The following EYS variants were observed in gnomAD, a reference collection of about 807,000 sequenced individuals.
EYS encodes the protein protein eyes shut homolog.
EYS carries 250 observed loss-of-function variants against 282.1 expected under a neutral mutation model. That is an observed-to-expected ratio of 0.89 (90% confidence interval 0.80 to 0.98). The LOEUF is 0.98. Among genes scored for constraint, EYS ranks in the 50% least tolerant of loss-of-function variants. The probability of loss-of-function intolerance (pLI) is 0.00; values close to 1 mark genes in which losing one functional copy is unlikely to be tolerated. For missense variants in EYS, 4,016 were observed against 3,709.0 expected (o/e 1.08, Z -2.15); for synonymous variants, 1,355 against 1,282.9 (o/e 1.06, Z -1.20).
intron 29 of EYS, among the ~76,000 whole-genome samples, chr6:64,371,984 T>C (rs1190299910): frequency 6.6e-6 from 1 of 152,180 alleles, no homozygotes; most frequent in Non-Finnish European, 1.5e-5. Context: ...ACTCTGTGCC[T>C]TTTAATTGAA....
At chr6:64,634,226 C>T (rs1257742647) in intron 22 of EYS, among the ~76,000 whole-genome samples, 8 of 152,184 alleles carry the variant, frequency 5.3e-5, no homozygotes, top group Admixed American at 5.2e-4. Context: ...TCGTGATCCG[C>T]CTGCCTTGGC....
In EYS at chr6:64,253,324, T is replaced by C. The variant is rs190555533; in HGVS notation, c.6192-22500A>G. 3.9e-5 allele frequency among the ~76,000 whole-genome samples: 6 copies of C among 152,228 alleles called. No individual in the cohort carries two copies. In the East Asian group the frequency reaches 9.7e-4, roughly 25 times the overall value. On this transcript the variant is annotated intron_variant, in intron 30 of 42. Transcript: ENST00000503581. ...ACACATCAGAAACTCTTGAGAAATA[T>C]TGTTGTAGATATCAGTGGGTTTTAT...
At chr6:65,089,187 T>G (rs982761127) in intron 12 of EYS, among the ~76,000 whole-genome samples, 4 of 152,098 alleles carry the variant, frequency 2.6e-5, no homozygotes, top group African/African-American at 9.7e-5. Flanking sequence ...CTAGTGGACT[T>G]GTGACAACAG....
intron 36 of EYS, among the ~76,000 whole-genome samples, chr6:63,857,996 A>T (rs1772437263): frequency 6.6e-6 from 1 of 152,114 alleles, no homozygotes; most frequent in African/African-American, 2.4e-5. Flanking sequence ...GAGGGGGAGT[A>T]AAAGTAGCCT....
chr6:63,955,275 A>T (rs1765767681), intron 35 of EYS, among the ~76,000 whole-genome samples: 1 of 152,132 alleles, frequency 6.6e-6, no homozygotes. Context: ...AACTACTTGT[A>T]AATGCCCTGC....
At chr6:64,573,076 A>G (rs1676417250) in intron 26 of EYS, among the ~76,000 whole-genome samples, 1 of 152,174 alleles carries the variant, frequency 6.6e-6, no homozygotes, top group South Asian at 2.1e-4. Flanking sequence ...CAAAACAGAC[A>G]TACAGACCAA....
chr6:63,730,870 A>C (rs560053042), intron 41 of EYS, among the ~76,000 whole-genome samples: 1 of 152,108 alleles, frequency 6.6e-6, no homozygotes, highest in African/African-American at 2.4e-5. Flanking sequence ...AAATACAAAA[A>C]ATTAGCTGGG....
At chr6:65,435,553 T>C (rs944296343) in intron 5 of EYS, among the ~76,000 whole-genome samples, 1 of 152,118 alleles carries the variant, frequency 6.6e-6, no homozygotes, top group African/African-American at 2.4e-5. Context: ...ACTTTAAAGT[T>C]AACAATTTTA....
chr6:64,067,104 C>T (rs1303211572), intron 32 of EYS, among the ~76,000 whole-genome samples: 1 of 152,074 alleles, frequency 6.6e-6, no homozygotes, highest in African/African-American at 2.4e-5. Context: ...ATTTACATAT[C>T]CCAATTTTAT....
chr6:65,497,386 G>T (rs896876483), intron 2 of EYS, among the ~76,000 whole-genome samples: 19 of 152,020 alleles, frequency 1.2e-4, no homozygotes, highest in African/African-American at 4.6e-4. Context: ...AAGCTAAAAT[G>T]ATAAAACGGA....
At chr6:65,083,414 C>T (rs1774279318) in intron 12 of EYS, among the ~76,000 whole-genome samples, 1 of 151,942 alleles carries the variant, frequency 6.6e-6, no homozygotes, top group Admixed American at 6.6e-5. Flanking sequence ...TAGCATCCAA[C>T]ATTATGACTC....
At chr6:63,781,681 C>G (rs1292156965) in intron 39 of EYS, among the ~76,000 whole-genome samples, 1 of 152,200 alleles carries the variant, frequency 6.6e-6, no homozygotes, top group Non-Finnish European at 1.5e-5. Flanking sequence ...AATATACAAT[C>G]ATGTCATCTG....
At chr6:64,340,177 A>T (rs116606795) in intron 29 of EYS, among the ~76,000 whole-genome samples, 4,708 of 151,562 alleles carry the variant, frequency 0.031, 230 homozygotes, top group African/African-American at 0.11. Flanking sequence ...AGAAGTAAAA[A>T]AGTGTGTGTG....
intron 31 of EYS, among the ~76,000 whole-genome samples, chr6:64,122,795 C>T (rs1773633855): frequency 6.6e-6 from 1 of 151,986 alleles, no homozygotes; most frequent in Admixed American, 6.5e-5. Flanking sequence ...AATATAGTTG[C>T]ATTATTGGGA....
intron 13 of EYS, among the ~76,000 whole-genome samples, chr6:65,050,017 G>A (rs1023273497): frequency 4.6e-5 from 7 of 151,534 alleles, no homozygotes; most frequent in Non-Finnish European, 7.4e-5. Context: ...CAGTCAATAG[G>A]TTATAAAGGA....
In EYS at chr6:63,820,839, T is replaced by C. The variant is rs185844801; in HGVS notation, c.7229-14467A>G. Among the ~76,000 whole-genome samples the C allele has an allele frequency of 1.7e-3, 258 of 152,314 alleles. 1 individual carries two copies. The highest frequency in any genetic ancestry group is 5.8e-3 in the African/African-American group (240 of 41,572). ...AGTACCACACTGATAACGATGATAG[T>C]AGTTTAACATATGTTCTGATACCTA... On this transcript the variant is annotated intron_variant, in intron 36 of 42. Coordinates refer to ENST00000503581, the MANE Select transcript of EYS (RefSeq NM_001142800.2).
intron 12 of EYS, among the ~76,000 whole-genome samples, chr6:65,116,848 G>T (rs1228439707): frequency 6.6e-6 from 1 of 151,446 alleles, no homozygotes; most frequent in Non-Finnish European, 1.5e-5. Flanking sequence ...CTGTGTTTGT[G>T]ATTATGAAAC....
chr6:65,520,033 A>C (rs1444809908), intron 2 of EYS, among the ~76,000 whole-genome samples: 2 of 151,610 alleles, frequency 1.3e-5, no homozygotes, highest in Non-Finnish European at 2.9e-5. Flanking sequence ...TCACCCTTTA[A>C]GTTTACTATG....
chr6:65,295,761 A>C (rs1455741235), intron 12 of EYS, 102 bp downstream of exon 12: 1 of 1,013,678 alleles, frequency 9.9e-7, no homozygotes, highest in Non-Finnish European at 1.4e-6. Context: ...CAACAATACC[A>C]ATCAATAGAC....
Sources: gnomAD v4.1 joint callset for allele counts (sites outside exome capture counted in the v4.1 genomes callset) on GRCh38, gnomAD v4.1.1 for gene constraint, MANE v1.5 for transcripts, NCBI Gene and HGNC (gene_info 2026-07-23, HGNC 2026-07-21) for gene names.